SUPT3H: variants seen among roughly 807,000 people sequenced by gnomAD.
The protein encoded by SUPT3H is transcription initiation protein SPT3 homolog.
In SUPT3H, 44 loss-of-function variants were observed where a neutral mutation model predicts 44.3. The observed-to-expected ratio is 0.99, with a 90% CI of 0.78 to 1.28. SUPT3H has a LOEUF of 1.28. Ranked by LOEUF, SUPT3H falls within the 50% of genes most tolerant of loss-of-function variation. SUPT3H has a pLI of 0.00. For synonymous variants in SUPT3H, 124 were observed against 125.6 expected (o/e 0.99, Z 0.09); for missense variants, 380 against 387.1 (o/e 0.98, Z 0.15).
chr6:44,927,699 G>A (rs1360703088), intron 10 of SUPT3H, among the ~76,000 whole-genome samples: 5 of 152,072 alleles, frequency 3.3e-5, no homozygotes, highest in South Asian at 2.1e-4. Flanking sequence ...TTCTTTAGCC[G>A]TTATTAATCC....
At chr6:45,015,056 A>C (rs1583059306) in intron 4 of SUPT3H, among the ~76,000 whole-genome samples, 165 bp from the exon 5 acceptor site, 1 of 152,200 alleles carries the variant, frequency 6.6e-6, no homozygotes, top group Non-Finnish European at 1.5e-5. Flanking sequence ...GTCATCAAAC[A>C]CAAAGGCTAA....
intron 10 of SUPT3H, among the ~76,000 whole-genome samples, chr6:44,897,259 A>G (rs1303369585): frequency 1.3e-5 from 2 of 152,254 alleles, no homozygotes; most frequent in African/African-American, 2.4e-5. Flanking sequence ...CTCTTTCGAC[A>G]GAATATCGGG....
At chr6:45,127,954 C>T (rs1003314222) in intron 2 of SUPT3H, among the ~76,000 whole-genome samples, 32 of 152,058 alleles carry the variant, frequency 2.1e-4, no homozygotes, top group Non-Finnish European at 4.1e-4. Flanking sequence ...GCTTTGCTTC[C>T]TGTATTTTGA....
intron 2 of SUPT3H, among the ~76,000 whole-genome samples, chr6:45,299,771 A>G (rs1781858394): frequency 6.6e-6 from 1 of 151,994 alleles, no homozygotes; most frequent in African/African-American, 2.4e-5. Context: ...AAAAAAATTA[A>G]TTAATTAACA....
At chr6:45,063,317 C>T (rs1225178126) in intron 3 of SUPT3H, among the ~76,000 whole-genome samples, 8 of 150,236 alleles carry the variant, frequency 5.3e-5, no homozygotes, top group African/African-American at 7.5e-5. Context: ...CTGTACATCA[C>T]CATCATCAAA....
chr6:44,958,659 A>C (rs1308600585), intron 7 of SUPT3H, among the ~76,000 whole-genome samples: 1 of 152,082 alleles, frequency 6.6e-6, no homozygotes, highest in Non-Finnish European at 1.5e-5. Context: ...CTGACAGCAA[A>C]CTTCTACCAA....
intron 2 of SUPT3H, among the ~76,000 whole-genome samples, chr6:45,263,083 C>T (rs1043759079): frequency 4.6e-5 from 7 of 152,086 alleles, no homozygotes; most frequent in Non-Finnish European, 8.8e-5. Context: ...GGAGATTTCT[C>T]GAAGAAGTTA....
At chr6:45,284,789 A>C (rs1778899989) in intron 2 of SUPT3H, among the ~76,000 whole-genome samples, 1 of 152,110 alleles carries the variant, frequency 6.6e-6, no homozygotes, top group African/African-American at 2.4e-5. Context: ...GAGACACAAC[A>C]AAAAAAGAGA....
Position 45,017,671 on chromosome 6 carries a change from T to C in SUPT3H, c.274-2780A>G, listed in dbSNP as rs1197760978. 2.1e-3 allele frequency among the ~76,000 whole-genome samples: 317 copies of C among 148,656 alleles called. 1 individual carries two copies. Among genetic ancestry groups the C allele is most frequent in the African/African-American group, 7.4e-3 (303 of 40,798 alleles). ...AGATAGTTGTAGATATGCAGCGTTA[T>C]TTCTGAGGGCTCTGTTCTGTTCCAT... is the stretch of plus-strand genomic sequence containing the variant. On this transcript the variant is annotated intron_variant, in intron 4 of 10. Transcript: ENST00000371459.
At chr6:44,971,356 G>A (rs538434401) in intron 6 of SUPT3H, among the ~76,000 whole-genome samples, 272 of 152,186 alleles carry the variant, frequency 1.8e-3, no homozygotes, top group African/African-American at 6.4e-3. Flanking sequence ...CCTGAGACTG[G>A]GTAATTTATA....
chr6:44,960,473 C>CA (rs34980849), intron 7 of SUPT3H, among the ~76,000 whole-genome samples: 1 of 144,238 alleles, frequency 6.9e-6, no homozygotes, highest in African/African-American at 2.6e-5. Context: ...AACAAACAAA[C>CA]AAAAAAACAT....
intron 2 of SUPT3H, among the ~76,000 whole-genome samples, chr6:45,346,682 C>T (rs1790948118): frequency 2.0e-5 from 3 of 151,698 alleles, no homozygotes; most frequent in Admixed American, 6.6e-5. Flanking sequence ...ATTCTCTTGC[C>T]TCTGCCTGAC....
chr6:44,901,769 G>C (rs1329273188), intron 10 of SUPT3H, among the ~76,000 whole-genome samples: 1 of 152,122 alleles, frequency 6.6e-6, no homozygotes, highest in Non-Finnish European at 1.5e-5. Context: ...AGGGCAGCCA[G>C]AGAGAAAGGT....
At chr6:45,000,611 A>G (rs1012600163) in intron 6 of SUPT3H, among the ~76,000 whole-genome samples, 1 of 152,046 alleles carries the variant, frequency 6.6e-6, no homozygotes, top group African/African-American at 2.4e-5. Flanking sequence ...TGGTCAGTTC[A>G]TTTCAGGTTA....
chr6:44,967,129 T>C (rs1303920988), intron 6 of SUPT3H, among the ~76,000 whole-genome samples: 1 of 152,232 alleles, frequency 6.6e-6, no homozygotes, highest in Non-Finnish European at 1.5e-5. Context: ...TATTATAACA[T>C]AGGCACAAAT....
intron 2 of SUPT3H, among the ~76,000 whole-genome samples, chr6:45,124,431 G>A (rs1245074540): frequency 1.3e-5 from 2 of 151,904 alleles, no homozygotes; most frequent in Non-Finnish European, 2.9e-5. Flanking sequence ...ATTACTTGAG[G>A]TCAGGCGTTC....
At chr6:44,886,948 A>T (rs182467771) in intron 10 of SUPT3H, among the ~76,000 whole-genome samples, 3 of 152,208 alleles carry the variant, frequency 2.0e-5, no homozygotes, top group Non-Finnish European at 4.4e-5. Context: ...GGAAAACAAA[A>T]AAAGGCAGGG....
At chr6:45,266,656 T>A (rs1303691462) in intron 2 of SUPT3H, among the ~76,000 whole-genome samples, 5 of 152,030 alleles carry the variant, frequency 3.3e-5, no homozygotes, top group African/African-American at 1.2e-4. Context: ...GTAAACAACT[T>A]TTTAAAATCT....
chr6:45,234,046 A>G (rs533889548), intron 2 of SUPT3H, among the ~76,000 whole-genome samples: 23 of 152,326 alleles, frequency 1.5e-4, no homozygotes, highest in African/African-American at 5.3e-4. Context: ...TTGAATATGT[A>G]CTAAATTCTA....
Sources: gnomAD v4.1 joint callset for allele counts (sites outside exome capture counted in the v4.1 genomes callset) on GRCh38, gnomAD v4.1.1 for gene constraint, MANE v1.5 for transcripts, NCBI Gene and HGNC (gene_info 2026-07-23, HGNC 2026-07-21) for gene names.